Variants in DENND2B observed in about 807,000 individuals in gnomAD.
DENND2B encodes DENN domain containing 2B.
DENND2B carries 32 observed loss-of-function variants against 116.0 expected under a neutral mutation model. The ratio of observed to expected loss-of-function variants is 0.28; its 90% CI spans 0.21 to 0.37. The LOEUF is 0.37. Among genes scored for constraint, DENND2B ranks in the 10% least tolerant of loss-of-function variants. The pLI is 1.00. For synonymous variants in DENND2B, 588 were observed against 583.9 expected (o/e 1.01, Z -0.10); for missense variants, 1,276 against 1,477.7 (o/e 0.86, Z 2.24).
At chr11:8,818,461 C>A (rs1037830693) in intron 4 of DENND2B, among the ~76,000 whole-genome samples, 1 of 152,040 alleles carries the variant, frequency 6.6e-6, no homozygotes, top group Non-Finnish European at 1.5e-5. Context: ...CAAGAAAATA[C>A]CTTCAGCCTG....
chr11:8,872,702 G>A (rs1026754355), upstream of DENND2B, among the ~76,000 whole-genome samples: 2 of 151,984 alleles, frequency 1.3e-5, no homozygotes, highest in Non-Finnish European at 2.9e-5. Context: ...CCTTATATGC[G>A]GTGTGATGCA....
chr11:8,897,521 G>C (rs1370780288), intron 1 of DENND2B, among the ~76,000 whole-genome samples: 1 of 152,160 alleles, frequency 6.6e-6, no homozygotes, highest in Non-Finnish European at 1.5e-5. Flanking sequence ...TAAATGATCA[G>C]GGAAAGTCAA....
chr11:8,898,792 A>G (rs1038108995), intron 1 of DENND2B, among the ~76,000 whole-genome samples: 1 of 152,360 alleles, frequency 6.6e-6, no homozygotes, highest in Middle Eastern at 3.4e-3. Context: ...CTGATCTAAA[A>G]TGTTCAGTTT....
intron 7 of DENND2B, among the ~76,000 whole-genome samples, chr11:8,714,275 T>C (rs1462802463): frequency 1.3e-5 from 2 of 152,170 alleles, no homozygotes; most frequent in Non-Finnish European, 1.5e-5. Flanking sequence ...AGGGCCTGAG[T>C]TGGAGGCTGA....
intron 1 of DENND2B, among the ~76,000 whole-genome samples, chr11:8,773,050 T>A (rs758821545): frequency 6.6e-6 from 1 of 152,116 alleles, no homozygotes; most frequent in Non-Finnish European, 1.5e-5. Context: ...ACATCTTGAG[T>A]GAAATATAAT....
intron 1 of DENND2B, among the ~76,000 whole-genome samples, chr11:8,763,860 T>C (rs1231080091): frequency 6.6e-6 from 1 of 152,082 alleles, no homozygotes; most frequent in Non-Finnish European, 1.5e-5. Context: ...TTAAAAAGTT[T>C]AATATAGCAA....
chr11:8,711,328 G>T, intron 9 of DENND2B, 97 bp from the exon 10 acceptor site: 1 of 996,206 alleles, frequency 1.0e-6, no homozygotes, highest in Non-Finnish European at 1.6e-6. Flanking sequence ...AGATGCCACT[G>T]ACTAGCGGGC....
intron 3 of DENND2B, among the ~76,000 whole-genome samples, chr11:8,847,996 C>T (rs915203716): frequency 2.0e-5 from 3 of 152,062 alleles, no homozygotes; most frequent in African/African-American, 7.2e-5. Context: ...GCTCTGAGTA[C>T]AAAAGATGTA....
intron 14 of DENND2B, among the ~76,000 whole-genome samples, chr11:8,700,662 A>G (rs1209307159): frequency 6.6e-6 from 1 of 152,146 alleles, no homozygotes; most frequent in African/African-American, 2.4e-5. Context: ...TCAATGTCCA[A>G]ATGACCACTC....
At chr11:8,708,568 C>T (rs2043020931) in intron 11 of DENND2B, among the ~76,000 whole-genome samples, 1 of 152,156 alleles carries the variant, frequency 6.6e-6, no homozygotes, top group Non-Finnish European at 1.5e-5. Context: ...ACCCCTAAAG[C>T]CTGCTGCTTT....
chr11:8,751,214 T>C (rs2052395031), intron 1 of DENND2B, among the ~76,000 whole-genome samples: 1 of 152,072 alleles, frequency 6.6e-6, no homozygotes, highest in African/African-American at 2.4e-5. Context: ...TGTATCTAGC[T>C]AATCTAGTGG....
At chr11:8,779,943 G>A (rs906995291) in intron 1 of DENND2B, among the ~76,000 whole-genome samples, 11 of 152,202 alleles carry the variant, frequency 7.2e-5, no homozygotes, top group Non-Finnish European at 1.2e-4. Flanking sequence ...TGCTCCCACG[G>A]TAGGACAAGC....
chr11:8,871,038 G>C (rs2063765983), exon 2 of DENND2B: 3 of 152,210 alleles, frequency 2.0e-5, no homozygotes, highest in Non-Finnish European at 4.4e-5. Context: ...AGCCGCTCCT[G>C]CAGAGAGGGC....
intron 3 of DENND2B, 70 bp downstream of exon 3, chr11:8,729,878 CTG>C: frequency 6.5e-7 from 1 of 1,547,382 alleles, no homozygotes; most frequent in Non-Finnish European, 8.7e-7. Context: ...ATCCTACAAT[CTG>C]TGTTTGCACT....
intron 14 of DENND2B, 103 bp from the exon 15 acceptor site, chr11:8,699,493 C>CA: frequency 8.3e-7 from 1 of 1,205,304 alleles, no homozygotes; most frequent in Non-Finnish European, 1.1e-6. Context: ...CCCAGTGCAA[C>CA]AAAAATGCTA....
intron 4 of DENND2B, among the ~76,000 whole-genome samples, chr11:8,834,701 T>C (rs549652740): frequency 6.6e-6 from 1 of 152,326 alleles, no homozygotes; most frequent in East Asian, 1.9e-4. Context: ...CAGTCTCTTC[T>C]AGAGCAACTT....
At chr11:8,767,379 C>G (rs893203105) in intron 1 of DENND2B, among the ~76,000 whole-genome samples, 8 of 151,926 alleles carry the variant, frequency 5.3e-5, no homozygotes, top group African/African-American at 1.9e-4. Context: ...TTTCTAGGGT[C>G]CCCCAAGGAG....
chr11:8,893,930 A>G (rs1015542295), intron 1 of DENND2B, among the ~76,000 whole-genome samples: 1 of 152,036 alleles, frequency 6.6e-6, no homozygotes, highest in Non-Finnish European at 1.5e-5. Context: ...AAAAGAGCCC[A>G]CATTGCCAAG....
At chr11:8,755,097 C>A (rs2053378744) in intron 1 of DENND2B, among the ~76,000 whole-genome samples, 1 of 152,182 alleles carries the variant, frequency 6.6e-6, no homozygotes, top group Admixed American at 6.5e-5. Flanking sequence ...GTGTGAGTGA[C>A]AACACAAACG....
Sources: gnomAD v4.1 joint callset for allele counts (sites outside exome capture counted in the v4.1 genomes callset) on GRCh38, gnomAD v4.1.1 for gene constraint, MANE v1.5 for transcripts, NCBI Gene and HGNC (gene_info 2026-07-23, HGNC 2026-07-21) for gene names.